The following OSBPL1A variants were observed in gnomAD, a reference collection of about 807,000 sequenced individuals.
OSBPL1A encodes the protein oxysterol binding protein like 1A, also known as oxysterol-binding protein-related protein 1.
OSBPL1A carries 80 observed loss-of-function variants against 137.1 expected under a neutral mutation model. The ratio of observed to expected loss-of-function variants is 0.58; its 90% CI spans 0.49 to 0.70. The LOEUF (loss-of-function observed/expected upper bound fraction) is 0.70, where lower values mean the gene tolerates loss of function less well. Among genes scored for constraint, OSBPL1A ranks in the 30% least tolerant of loss-of-function variants. OSBPL1A has a pLI of 0.00. For synonymous variants in OSBPL1A, 365 were observed against 389.7 expected, an observed-to-expected ratio of 0.94 and a Z score of 0.75; for missense variants, 970 against 1,129.4, an observed-to-expected ratio of 0.86 and a Z score of 2.02.
intron 18 of OSBPL1A, among the ~76,000 whole-genome samples, chr18:24,188,300 C>T (rs566499805): frequency 1.4e-4 from 21 of 152,328 alleles, no homozygotes; most frequent in African/African-American, 4.8e-4. Context: ...AAACACAGCA[C>T]GGCAGGATGG....
chr18:24,312,963 A>C (rs1306072248), intron 12 of OSBPL1A, among the ~76,000 whole-genome samples: 1 of 150,638 alleles, frequency 6.6e-6, no homozygotes, highest in Non-Finnish European at 1.5e-5. Context: ...ATCTCTACTA[A>C]AAATACAAAA....
At chr18:24,220,774 T>A (rs985804128) in intron 17 of OSBPL1A, among the ~76,000 whole-genome samples, 4 of 152,086 alleles carry the variant, frequency 2.6e-5, no homozygotes, top group African/African-American at 9.7e-5. Context: ...TGAGCCCAGA[T>A]CATCTATCCC....
intron 17 of OSBPL1A, among the ~76,000 whole-genome samples, chr18:24,220,347 G>T (rs2087850008): frequency 6.6e-6 from 1 of 152,226 alleles, no homozygotes; most frequent in South Asian, 2.1e-4. Context: ...ATAGGCTTGT[G>T]TCCAGCTTGT....
chr18:24,232,546 T>C (rs1232979148), intron 16 of OSBPL1A, among the ~76,000 whole-genome samples: 1 of 152,192 alleles, frequency 6.6e-6, no homozygotes, highest in Non-Finnish European at 1.5e-5. Context: ...CAAACCGTAG[T>C]GTGTGGGCTA....
chr18:24,193,195 G>C (rs1268655380), intron 18 of OSBPL1A, among the ~76,000 whole-genome samples: 1 of 152,134 alleles, frequency 6.6e-6, no homozygotes, highest in African/African-American at 2.4e-5. Context: ...GATAGAATCA[G>C]AAACATGCAG....
intron 1 of OSBPL1A, among the ~76,000 whole-genome samples, chr18:24,390,630 G>A (rs1907272258): frequency 7.1e-6 from 1 of 141,726 alleles, no homozygotes. Context: ...GGGAGGCAGA[G>A]GTTGCAGTGA....
At chr18:24,369,415 C>A (rs1905436112) in intron 2 of OSBPL1A, among the ~76,000 whole-genome samples, 1 of 152,216 alleles carries the variant, frequency 6.6e-6, no homozygotes, top group Admixed American at 6.5e-5. Flanking sequence ...CAGACTGTAG[C>A]AAATACAGCC....
At chr18:24,368,206 GCTTTT>G in intron 3 of OSBPL1A, 76 bp downstream of exon 3, 1 of 1,043,302 alleles carries the variant, frequency 9.6e-7, no homozygotes, top group Non-Finnish European at 1.4e-6. Flanking sequence ...GGCTCAGGTG[GCTTTT>G]CTAAGACTTT....
At chr18:24,174,777 A>G (rs1331855404) in intron 21 of OSBPL1A, among the ~76,000 whole-genome samples, 1 of 151,628 alleles carries the variant, frequency 6.6e-6, no homozygotes, top group Non-Finnish European at 1.5e-5. Context: ...TTAAATTTTT[A>G]TTTATTTTTT....
In OSBPL1A at chr18:24,280,793, A is replaced by C. The variant is rs371769473; in HGVS notation, c.1281+49T>G. ...GCAATGACTTCATGGACAACCACGC[A>C]TGCAACATCCAAACAATTATTTTAC... On this transcript the variant is annotated intron_variant, in intron 15 of 27. Transcript: ENST00000319481. The C allele has an allele frequency of 1.3e-5, 17 of 1,325,766 alleles. No individual in the cohort carries two copies. The African/African-American group carries it at 2.6e-4, about 20-fold the overall frequency. The allele number at this position is 1,325,766 out of a possible 1,614,324, so 82.1% of individuals were successfully genotyped here. A position where few individuals can be genotyped will look rare whatever the true frequency, so the allele number is the denominator to read the frequency against.
At chr18:24,202,013 C>G (rs1177576207) in intron 17 of OSBPL1A, among the ~76,000 whole-genome samples, 1 of 152,170 alleles carries the variant, frequency 6.6e-6, no homozygotes, top group Non-Finnish European at 1.5e-5. Flanking sequence ...TCATGCTTTC[C>G]AGGTTTGCCT....
At chr18:24,348,940 T>G (rs899510649) in intron 4 of OSBPL1A, among the ~76,000 whole-genome samples, 1 of 152,084 alleles carries the variant, frequency 6.6e-6, no homozygotes, top group Non-Finnish European at 1.5e-5. Context: ...GATCCAGGTC[T>G]GGGATCACTT....
chr18:24,280,720 C>G (rs2089939041), intron 15 of OSBPL1A, 122 bp downstream of exon 15: 8 of 530,726 alleles, frequency 1.5e-5, no homozygotes, highest in Admixed American at 8.3e-5. Context: ...ACAAATGAAG[C>G]TTTCCTTTGT....
At chr18:24,376,575 G>A (rs748924609) in intron 2 of OSBPL1A, among the ~76,000 whole-genome samples, 1 of 152,214 alleles carries the variant, frequency 6.6e-6, no homozygotes, top group African/African-American at 2.4e-5. Context: ...TGCACCATGC[G>A]CCCGCACTCC....
intron 2 of OSBPL1A, among the ~76,000 whole-genome samples, chr18:24,377,056 G>A (rs1416112750): frequency 1.3e-5 from 2 of 152,238 alleles, no homozygotes; most frequent in African/African-American, 4.8e-5. Context: ...TGGGCTGAAG[G>A]GCTCCTCAAG....
At chr18:24,368,579 T>A (rs1905357596) in intron 2 of OSBPL1A, 2 of 501,214 alleles carry the variant, frequency 4.0e-6, no homozygotes, top group Non-Finnish European at 7.3e-6. Flanking sequence ...TCTGACTCGA[T>A]GTCTTCACCT....
chr18:24,210,791 C>A (rs1274560386), intron 17 of OSBPL1A, among the ~76,000 whole-genome samples: 1 of 152,140 alleles, frequency 6.6e-6, no homozygotes, highest in African/African-American at 2.4e-5. Context: ...CCACCTTGGC[C>A]TCCCAAAGTG....
At chr18:24,244,224 G>A (rs2088811055) in intron 15 of OSBPL1A, among the ~76,000 whole-genome samples, 1 of 152,100 alleles carries the variant, frequency 6.6e-6, no homozygotes, top group Admixed American at 6.5e-5. Flanking sequence ...CAGGCACAAG[G>A]CTTCACTTCT....
At chr18:24,366,815 G>A (rs985561214) in intron 4 of OSBPL1A, 77 bp downstream of exon 4, 1 of 1,432,492 alleles carries the variant, frequency 7.0e-7, no homozygotes, top group Admixed American at 1.9e-5. Context: ...TGGTCAGATG[G>A]TTATAACAGA....
Sources: allele counts gnomAD v4.1 joint callset (sites outside exome capture counted in the v4.1 genomes callset), GRCh38; gene constraint gnomAD v4.1.1; transcripts MANE v1.5; gene names NCBI Gene and HGNC (gene_info 2026-07-23, HGNC 2026-07-21).